Variants in CDIN1 observed in about 807,000 individuals in gnomAD.
CDIN1 encodes CDAN1 interacting nuclease 1.
A neutral mutation model predicts 45.3 loss-of-function variants in CDIN1; 33 were observed. The ratio of observed to expected loss-of-function variants is 0.73; its 90% CI spans 0.55 to 0.97. The LOEUF is 0.97. Among genes scored for constraint, CDIN1 ranks in the 50% least tolerant of loss-of-function variants. The pLI is 0.00. For missense variants in CDIN1, 303 were observed against 339.4 expected, an observed-to-expected ratio of 0.89 and a Z score of 0.84; for synonymous variants, 118 against 124.4, an observed-to-expected ratio of 0.95 and a Z score of 0.34.
intron 5 of CDIN1, among the ~76,000 whole-genome samples, chr15:36,659,325 T>C (rs1305016126): frequency 2.6e-5 from 4 of 152,172 alleles, no homozygotes; most frequent in Non-Finnish European, 5.9e-5. Flanking sequence ...TACAGCAGAG[T>C]TAAATAGTAC....
At chr15:36,746,925 T>C in intron 10 of CDIN1, 1 of 398,256 alleles carries the variant, frequency 2.5e-6, no homozygotes, top group Non-Finnish European at 4.4e-6. Context: ...AATTTTTCTA[T>C]GTTTTGTAGA....
chr15:36,666,880 C>G (rs2041269879), intron 5 of CDIN1, among the ~76,000 whole-genome samples: 1 of 152,154 alleles, frequency 6.6e-6, no homozygotes, highest in Admixed American at 6.5e-5. Context: ...ATATTATATA[C>G]CAGGTACTTT....
intron 1 of CDIN1, among the ~76,000 whole-genome samples, chr15:36,590,111 C>T (rs1362690938): frequency 2.0e-5 from 3 of 152,168 alleles, no homozygotes; most frequent in African/African-American, 7.2e-5. Flanking sequence ...CAAGTTACGT[C>T]TCTTGGCTGA....
At chr15:36,675,269 G>A (rs917872024) in intron 5 of CDIN1, among the ~76,000 whole-genome samples, 1 of 152,000 alleles carries the variant, frequency 6.6e-6, no homozygotes, top group Non-Finnish European at 1.5e-5. Flanking sequence ...TGCACTGTGG[G>A]AGTAATTTCT....
chr15:36,744,435 T>A (rs1378673377), intron 10 of CDIN1, among the ~76,000 whole-genome samples: 1 of 152,190 alleles, frequency 6.6e-6, no homozygotes, highest in African/African-American at 2.4e-5. Context: ...CATAAACTCC[T>A]TGAGAGCAAG....
In CDIN1 at chr15:36,809,181, G is replaced by C. The variant is rs1414942330; in HGVS notation, c.*728G>C. Reference sequence around the variant, plus strand: ...AGATTTATCTTATTTGAAAGTATTAGTTCCATTGTGCCTGGAAACCACACT... The same window carrying C: ...AGATTTATCTTATTTGAAAGTATTACTTCCATTGTGCCTGGAAACCACACT... On this transcript the variant is annotated 3_prime_UTR_variant, in exon 11 of 11. Coordinates refer to ENST00000566621, the MANE Select transcript of CDIN1 (RefSeq NM_001321759.2). 6.8e-6 allele frequency: 2 copies of C among 292,926 alleles called. No individual in the cohort carries two copies. Among genetic ancestry groups the C allele is most frequent in the African/African-American group, 4.5e-5 (2 of 44,850 alleles). 18.1% of individuals were successfully genotyped at this position (292,926 alleles called of 1,614,324 possible).
chr15:36,617,201 G>A, intron 1 of CDIN1: 1 of 865,652 alleles, frequency 1.2e-6, no homozygotes, highest in Non-Finnish European at 2.0e-6. Flanking sequence ...GTAACTCATA[G>A]AACTGAAAGC....
At chr15:36,683,218 A>G (rs7182890) in intron 5 of CDIN1, among the ~76,000 whole-genome samples, 71,487 of 149,680 alleles carry the variant, frequency 0.48, 17,282 homozygotes, top group Admixed American at 0.57. Flanking sequence ...TAGGTCTAAC[A>G]TTTAAGTCTT....
At chr15:36,648,400 G>T (rs1595418235) in intron 3 of CDIN1, among the ~76,000 whole-genome samples, 1 of 142,994 alleles carries the variant, frequency 7.0e-6, no homozygotes, top group African/African-American at 2.6e-5. Context: ...TTATTCCTTT[G>T]TCGAGCATAT....
chr15:36,679,046 A>G (rs1329011902), intron 5 of CDIN1, among the ~76,000 whole-genome samples: 3 of 152,226 alleles, frequency 2.0e-5, no homozygotes, highest in Non-Finnish European at 4.4e-5. Context: ...CTTAAATAAC[A>G]AAGTTTCCAA....
At chr15:36,587,891 C>T (rs951471089) in intron 1 of CDIN1, among the ~76,000 whole-genome samples, 1 of 152,130 alleles carries the variant, frequency 6.6e-6, no homozygotes, top group Non-Finnish European at 1.5e-5. Flanking sequence ...TCTGTTGTCT[C>T]TTCTTGATCA....
At chr15:36,803,835 G>A (rs764806618) in intron 10 of CDIN1, among the ~76,000 whole-genome samples, 2 of 152,150 alleles carry the variant, frequency 1.3e-5, no homozygotes, top group African/African-American at 2.4e-5. Flanking sequence ...ATTCTCCTTT[G>A]GTTGACTTTC....
chr15:36,779,862 G>A (rs1245434536), intron 10 of CDIN1, among the ~76,000 whole-genome samples: 1 of 152,200 alleles, frequency 6.6e-6, no homozygotes, highest in Non-Finnish European at 1.5e-5. Flanking sequence ...CAAGTAGTGT[G>A]AATATAGTCT....
chr15:36,778,004 C>A (rs1380830120), intron 10 of CDIN1, among the ~76,000 whole-genome samples: 1 of 152,206 alleles, frequency 6.6e-6, no homozygotes, highest in Non-Finnish European at 1.5e-5. Flanking sequence ...GTGATCCCTT[C>A]TGGGTCTTCA....
intron 1 of CDIN1, among the ~76,000 whole-genome samples, chr15:36,619,504 TATCTATCTATCTATCC>T (rs2039059828): frequency 2.0e-5 from 3 of 151,892 alleles, no homozygotes; most frequent in Admixed American, 2.0e-4. Context: ...TCTATCTATC[TATCTATCTATCTATCC>T]ATCCATCCAC....
At chr15:36,618,600 T>G in intron 1 of CDIN1, 1 of 837,024 alleles carries the variant, frequency 1.2e-6, no homozygotes, top group Admixed American at 1.7e-5. Context: ...GGATGTCTGA[T>G]GTTGTTAAAG....
At position 36,738,650 on chromosome 15, in the gene CDIN1, T is replaced by A. The variant is rs184039718; in HGVS notation, c.716+28689T>A. On this transcript the variant is annotated intron_variant, in intron 10 of 10. Coordinates refer to ENST00000566621, the MANE Select transcript of CDIN1 (RefSeq NM_001321759.2). Reference sequence around the variant, plus strand: ...TGTTACATGAAGCACTGTCCTGAGGTACATACGTAGCTCACTGTCCAAAGT... The same window carrying A: ...TGTTACATGAAGCACTGTCCTGAGGAACATACGTAGCTCACTGTCCAAAGT... Among the ~76,000 whole-genome samples, 4 of 152,276 alleles carry A rather than the reference T, an allele frequency of 2.6e-5. No individual in the cohort carries two copies. The East Asian group carries it at 7.7e-4, about 29-fold the overall frequency.
intron 7 of CDIN1, among the ~76,000 whole-genome samples, chr15:36,694,954 A>G (rs946716927): frequency 6.6e-6 from 1 of 152,236 alleles, no homozygotes; most frequent in Non-Finnish European, 1.5e-5. Flanking sequence ...TATTCATCAA[A>G]TGTCTTCAAT....
intron 5 of CDIN1, among the ~76,000 whole-genome samples, chr15:36,672,097 A>G (rs1043850757): frequency 6.6e-6 from 1 of 152,166 alleles, no homozygotes; most frequent in Admixed American, 6.6e-5. Context: ...TTGGCATAAA[A>G]AGTGGAATGT....
Sources: allele counts gnomAD v4.1 joint callset (sites outside exome capture counted in the v4.1 genomes callset), GRCh38; gene constraint gnomAD v4.1.1; transcripts MANE v1.5; gene names NCBI Gene and HGNC (gene_info 2026-07-23, HGNC 2026-07-21).